The following SPATA9 variants were observed in gnomAD, a reference collection of about 807,000 sequenced individuals.
SPATA9 encodes spermatogenesis-associated protein 9.
In SPATA9, 27 loss-of-function variants were observed where a neutral mutation model predicts 25.5. That is an observed-to-expected ratio of 1.06 (90% CI 0.78 to 1.46). The LOEUF is 1.46. SPATA9 is among the 40% of genes most tolerant of loss of function. SPATA9 has a pLI of 0.00. For missense variants in SPATA9, 282 were observed against 297.5 expected, an observed-to-expected ratio of 0.95 and a Z score of 0.38; for synonymous variants, 102 against 105.7, an observed-to-expected ratio of 0.97 and a Z score of 0.21.
At chr5:95,696,413 A>T (rs1444018462) in intron 1 of SPATA9, among the ~76,000 whole-genome samples, 1 of 152,234 alleles carries the variant, frequency 6.6e-6, no homozygotes, top group Non-Finnish European at 1.5e-5. Context: ...CATAGAAAAC[A>T]TTTGTTTTCT....
At position 95,658,466 on chromosome 5, in the gene SPATA9, T is replaced by TAGA; in HGVS notation, c.*156_*157insTCT. The TAGA allele has an allele frequency of 5.0e-6, 3 of 602,556 alleles. No homozygotes were observed. Among genetic ancestry groups the TAGA allele is most frequent in the African/African-American group, 2.0e-5 (1 of 49,380 alleles). The allele number at this position is 602,556 out of a possible 1,614,324, so 37.3% of individuals were successfully genotyped here. A position where few individuals can be genotyped will look rare whatever the true frequency, so the allele number is the denominator to read the frequency against. On this transcript the variant is annotated 3_prime_UTR_variant, in exon 5 of 5. Coordinates refer to ENST00000274432, the MANE Select transcript of SPATA9 (RefSeq NM_031952.4). ...AATATTCATTTTATTTACTCTATCA[T>TAGA]GTAAATACTAGAAAATGACATTTTA...
intron 8 of SPATA9, chr5:95,653,267 T>TA: frequency 6.5e-7 from 1 of 1,548,570 alleles, no homozygotes; most frequent in Non-Finnish European, 8.7e-7. Context: ...CTGTAATAGC[T>TA]ATCTGGTTGT....
intron 1 of SPATA9, among the ~76,000 whole-genome samples, chr5:95,690,302 G>A (rs1010078985): frequency 2.0e-5 from 3 of 152,126 alleles, no homozygotes; most frequent in Admixed American, 6.5e-5. Flanking sequence ...AGGCTGAAAC[G>A]GCTAGAATCA....
chr5:95,720,173 A>G, the SPATA9 span, among the ~76,000 whole-genome samples: 1 of 152,318 alleles, frequency 6.6e-6, no homozygotes, highest in South Asian at 2.1e-4. Flanking sequence ...GCACCTTGAC[A>G]AAATAAAGTT....
intron 3 of SPATA9, among the ~76,000 whole-genome samples, chr5:95,665,136 A>G (rs75223744): frequency 0.052 from 7,893 of 152,242 alleles, 285 homozygotes; most frequent in African/African-American, 0.1. Context: ...ATAGAAGTCT[A>G]TGTTATATAA....
At chr5:95,700,499 CA>C (rs1363858595), upstream of SPATA9, among the ~76,000 whole-genome samples, 13 of 152,132 alleles carry the variant, frequency 8.5e-5, no homozygotes. Flanking sequence ...AGGGTTTCAC[CA>C]CGTCGGTCAG....
chr5:95,683,201 C>CT (rs1212693254), upstream of SPATA9, among the ~76,000 whole-genome samples: 3 of 152,094 alleles, frequency 2.0e-5, no homozygotes, highest in African/African-American at 7.2e-5. Flanking sequence ...AATGGATCAT[C>CT]TGAGAACAAA....
At chr5:95,702,084 T>TAAG (rs1371903384), upstream of SPATA9, among the ~76,000 whole-genome samples, 1 of 152,136 alleles carries the variant, frequency 6.6e-6, no homozygotes, top group Non-Finnish European at 1.5e-5. Context: ...AGAGGAAACT[T>TAAG]AAGAGCACAT....
the SPATA9 span, among the ~76,000 whole-genome samples, chr5:95,714,803 A>G: frequency 2.0e-5 from 3 of 152,158 alleles, no homozygotes; most frequent in Admixed American, 6.5e-5. Context: ...ATGAAATAGG[A>G]AATGGATTCC....
chr5:95,711,752 C>T, the SPATA9 span, among the ~76,000 whole-genome samples: 1 of 152,200 alleles, frequency 6.6e-6, no homozygotes, highest in East Asian at 1.9e-4. Context: ...CGGCCTGGCT[C>T]AGGAGGACTT....
chr5:95,714,374 C>T, the SPATA9 span, among the ~76,000 whole-genome samples: 8 of 152,104 alleles, frequency 5.3e-5, no homozygotes, highest in African/African-American at 9.6e-5. Context: ...GGACAGAACC[C>T]GAAGAAACAT....
the SPATA9 span, chr5:95,717,845 G>C: frequency 6.6e-6 from 1 of 152,148 alleles, no homozygotes; most frequent in South Asian, 2.1e-4. Flanking sequence ...GGGACATATA[G>C]GATGGGGTTA....
At chr5:95,698,353 T>G (rs1012257868) in intron 1 of SPATA9, among the ~76,000 whole-genome samples, 4 of 152,196 alleles carry the variant, frequency 2.6e-5, no homozygotes, top group African/African-American at 9.6e-5. Context: ...GTGGACTTGA[T>G]GCAAGCATCT....
At chr5:95,707,612 G>C in the SPATA9 span, among the ~76,000 whole-genome samples, 1 of 152,160 alleles carries the variant, frequency 6.6e-6, no homozygotes, top group Non-Finnish European at 1.5e-5. Context: ...GATAGACCCG[G>C]GGCTTTGGGC....
chr5:95,655,958 T>A (rs1750729443), downstream of SPATA9: 3 of 1,275,736 alleles, frequency 2.4e-6, no homozygotes, highest in African/African-American at 1.5e-5. Flanking sequence ...CCTGTTTTTT[T>A]AACCTGGTTC....
chr5:95,714,007 C>T, the SPATA9 span, among the ~76,000 whole-genome samples: 2 of 152,128 alleles, frequency 1.3e-5, no homozygotes, highest in African/African-American at 2.4e-5. Flanking sequence ...TCCAGGCATA[C>T]AATCATATCA....
At chr5:95,664,608 C>T (rs1431325201) in intron 3 of SPATA9, among the ~76,000 whole-genome samples, 2 of 152,160 alleles carry the variant, frequency 1.3e-5, no homozygotes, top group East Asian at 3.9e-4. Context: ...GTTGCCTCTC[C>T]TGTGTTTCTA....
downstream of SPATA9, chr5:95,654,039 T>C: frequency 6.3e-7 from 1 of 1,599,866 alleles, no homozygotes; most frequent in Non-Finnish European, 8.5e-7. Context: ...TCTTGTAACT[T>C]TCCTTCTTTA....
intron 1 of SPATA9, among the ~76,000 whole-genome samples, chr5:95,697,338 T>C (rs563124081): frequency 1.6e-4 from 24 of 152,288 alleles, no homozygotes; most frequent in African/African-American, 5.5e-4. Flanking sequence ...ATGTGGCCTC[T>C]CCATAGACTG....
Sources: allele counts gnomAD v4.1 joint callset (sites outside exome capture counted in the v4.1 genomes callset), GRCh38; gene constraint gnomAD v4.1.1; transcripts MANE v1.5; gene names NCBI Gene and HGNC (gene_info 2026-07-23, HGNC 2026-07-21).